Variants in RBM14 observed in about 807,000 individuals in gnomAD.
RBM14 encodes the protein RNA binding motif protein 14.
A neutral mutation model predicts 52.8 loss-of-function variants in RBM14; 5 were observed. The ratio of observed to expected loss-of-function variants is 0.09; its 90% CI spans 0.05 to 0.20. The LOEUF is 0.20. Ranked by LOEUF, RBM14 falls within the 10% of genes least tolerant of loss-of-function variation. The pLI, the probability that RBM14 is intolerant of heterozygous loss-of-function variation, is 1.00. For missense variants in RBM14, 780 were observed against 926.6 expected, an observed-to-expected ratio of 0.84 and a Z score of 2.05; for synonymous variants, 411 against 401.8, an observed-to-expected ratio of 1.02 and a Z score of -0.28.
intron 1 of RBM14, among the ~76,000 whole-genome samples, chr11:66,622,245 T>C (rs1439049845): frequency 2.6e-5 from 4 of 151,178 alleles, no homozygotes; most frequent in Non-Finnish European, 5.9e-5. Context: ...TTTTTTTTTT[T>C]TTTTGAAATG....
At chr11:66,618,703 G>C (rs1858959709) in intron 1 of RBM14, 4 of 623,244 alleles carry the variant, frequency 6.4e-6, no homozygotes, top group Non-Finnish European at 1.2e-5. Flanking sequence ...AGTTTCTTTT[G>C]TGGTTGTTAG....
At chr11:66,621,826 T>C (rs917356138) in intron 1 of RBM14, among the ~76,000 whole-genome samples, 4 of 152,256 alleles carry the variant, frequency 2.6e-5, no homozygotes, top group African/African-American at 9.6e-5. Context: ...TAGCTGTTCA[T>C]ATCTTACAAG....
At position 66,624,151 on chromosome 11, in the gene RBM14, G is replaced by T; in HGVS notation, c.338-63G>T. On this transcript the variant is annotated intron_variant, in intron 1 of 2. Transcript: ENST00000310137. The surrounding 1 kb of genome is among the most constrained non-coding windows in gnomAD (Gnocchi z 4.7). Reference sequence around the variant, plus strand: ...TGGGTGCTGTTGTGTGTCCAATTTGGGACCCATCAGGTAGCATGCCCTGCC... The same window carrying T: ...TGGGTGCTGTTGTGTGTCCAATTTGTGACCCATCAGGTAGCATGCCCTGCC... 6.5e-7 allele frequency: 1 copy of T among 1,540,066 alleles called. No homozygotes were observed. The highest frequency in any genetic ancestry group is 1.3e-5 in the South Asian group (1 of 79,024).
chr11:66,629,485 G>A lies in RBM14; in HGVS notation c.*2817G>A, dbSNP rs904593612. On this transcript the variant is annotated 3_prime_UTR_variant, in exon 3 of 3. Transcript: ENST00000310137. The stretch of plus-strand genomic sequence containing the variant: ...GTTCAGCCTATCCAGGTAGGCTACC[G>A]TTCTAGTCATACCCATCACTTAAAT... Among the ~76,000 whole-genome samples, 2 of 152,316 alleles carry A rather than the reference G, an allele frequency of 1.3e-5. No homozygotes were observed. The highest frequency in any genetic ancestry group is 1.9e-4 in the East Asian group (1 of 5,194).
At chr11:66,617,680 A>G in intron 1 of RBM14, 1 of 527,306 alleles carries the variant, frequency 1.9e-6, no homozygotes, top group Non-Finnish European at 2.4e-6. Context: ...TTTCAATATT[A>G]GGTAGGTTAG....
chr11:66,626,657 C>G lies in RBM14; in HGVS notation c.1999C>G (p.Arg667Gly). 1 of 1,607,016 alleles carries G rather than the reference C, an allele frequency of 6.2e-7. No individual in the cohort carries two copies. The highest frequency in any genetic ancestry group is 8.5e-7 in the Non-Finnish European group (1 of 1,177,390). The change falls in exon 3 of 3, where the codon CGC (arginine) becomes GGC (glycine). Residue 667 changes from arginine (R) to glycine (G), a missense_variant. By Grantham distance (125) the Arg-to-Gly change is moderately radical. Transcript: ENST00000310137. The stretch of plus-strand genomic sequence containing the variant: ...GGCTCAGATGCACTCTGGCTACCAG[C>G]GCCGCATGTAGGGCCATCCTGGGAT... ...RAAQMHSGYQ[R>G]RM
Position 66,616,794 on chromosome 11 carries a change from A to T in RBM14, c.74A>T (p.Tyr25Phe), listed in dbSNP as rs771161027. Reference protein sequence around the residue: ...PEELAALFAPYGTVMSCAVMK... With the variant: ...PEELAALFAPFGTVMSCAVMK... ...GAGCTGGCAGCCCTCTTTGCGCCCT[A>T]CGGCACGGTCATGAGCTGCGCCGTC... Residue 25 changes from tyrosine to phenylalanine, a missense_variant, in exon 1 of 3, where the codon TAC (tyrosine) becomes TTC (phenylalanine). Physicochemically the swap from Tyr to Phe is conservative, Grantham distance 22 (BLOSUM62 3). Coordinates refer to ENST00000310137, the MANE Select transcript of RBM14 (RefSeq NM_006328.4). 1.2e-6 allele frequency: 2 copies of T among 1,609,908 alleles called. 1 individual carries two copies. The highest frequency in any genetic ancestry group is 2.2e-5 in the South Asian group (2 of 91,050).
At position 66,624,062 on chromosome 11, in the gene RBM14, C is replaced by A; in HGVS notation, c.338-152C>A. The stretch of plus-strand genomic sequence containing the variant: ...AGTCAGAAGCTTTGTTATATGGGAG[C>A]TACATTTTATGACATACTCCTGGAG... On this transcript the variant is annotated intron_variant, in intron 1 of 2. Coordinates refer to ENST00000310137, the MANE Select transcript of RBM14 (RefSeq NM_006328.4). The surrounding 1 kb of genome is among the most constrained non-coding windows in gnomAD (Gnocchi z 4.7). The A allele has an allele frequency of 7.7e-7, 1 of 1,300,816 alleles. No individual in the cohort carries two copies. Among genetic ancestry groups the A allele is most frequent in the Non-Finnish European group, 1.1e-6 (1 of 918,084 alleles). 80.6% of individuals were successfully genotyped at this position (1,300,816 alleles called of 1,614,324 possible).
Position 66,625,630 on chromosome 11 carries a change from G to T in RBM14, c.1754G>T (p.Arg585Leu). 6.2e-7 allele frequency: 1 copy of T among 1,612,934 alleles called. No individual in the cohort carries two copies. Reference sequence around the variant, plus strand: ...GAGCGTACCCGCCTCTCCCCACCCCGGGCCAGCTACGACGATCCCTACAAA... The same window carrying T: ...GAGCGTACCCGCCTCTCCCCACCCCTGGCCAGCTACGACGATCCCTACAAA... ...PYERTRLSPPRASYDDPYKKA... is the reference protein window; with the variant it reads ...PYERTRLSPPLASYDDPYKKA... The change falls in exon 2 of 3, where the codon CGG becomes CTG. Residue 585 changes from arginine to leucine, a missense_variant. Arg to Leu is a moderately radical substitution (Grantham distance 102). Around this residue, in one of 4 missense-constraint regions of RBM14, gnomAD observed 675 missense variants for 697.3 expected, o/e 0.97. Coordinates refer to ENST00000310137, the MANE Select transcript of RBM14 (RefSeq NM_006328.4). The surrounding 1 kb of genome is among the most constrained non-coding windows in gnomAD (Gnocchi z 4.2).
intron 1 of RBM14, among the ~76,000 whole-genome samples, chr11:66,620,549 G>C (rs1859058985): frequency 6.6e-6 from 1 of 152,110 alleles, no homozygotes; most frequent in African/African-American, 2.4e-5. Context: ...TGATCTTCCT[G>C]CCTCGGCCTC....
chr11:66,622,979 G>T (rs948933570), intron 1 of RBM14, among the ~76,000 whole-genome samples: 12 of 152,148 alleles, frequency 7.9e-5, no homozygotes, highest in Admixed American at 5.9e-4. Flanking sequence ...TGTGAGTGTG[G>T]ACATGAGAAT....
At chr11:66,626,360 G>A (rs1414038065) in intron 2 of RBM14, 101 bp from the exon 3 acceptor site, 1 of 1,190,666 alleles carries the variant, frequency 8.4e-7, no homozygotes, top group Non-Finnish European at 1.2e-6. Flanking sequence ...GGAGACCACT[G>A]TGATCACACC....
rs1196600980 is a variant in RBM14 at position 66,629,096 on chromosome 11, CTTTTA to C, written c.*2434_*2438del. ...GATTGTTTTAAAATCTCCCTCCCCT[CTTTTA>C]TTTTAATTATGCCACCTGTGTTAAT... On this transcript the variant is annotated 3_prime_UTR_variant, in exon 3 of 3. Coordinates refer to ENST00000310137, the MANE Select transcript of RBM14 (RefSeq NM_006328.4). Among the ~76,000 whole-genome samples, 1 of 152,220 alleles carries C rather than the reference CTTTTA, an allele frequency of 6.6e-6. No homozygotes were observed. The highest frequency in any genetic ancestry group is 1.5e-5 in the Non-Finnish European group (1 of 68,034).
rs116318286 is a variant in RBM14, at chr11:66,617,793, G to A, written c.337+736G>A. Among the ~76,000 whole-genome samples, 1,132 of 152,356 alleles carry A rather than the reference G, an allele frequency of 7.4e-3. 18 individuals carry two copies. Among genetic ancestry groups the A allele is most frequent in the African/African-American group, 0.025 (1,045 of 41,586 alleles). On this transcript the variant is annotated intron_variant, in intron 1 of 2. Transcript: ENST00000310137. The stretch of plus-strand genomic sequence containing the variant: ...AAACCCCAGCCTTTTGCATGTGCAA[G>A]AAAGCTTGTTTTATGAAGTCCCCTT...
At position 66,625,821 on chromosome 11, in the gene RBM14, A is replaced by G; in HGVS notation, c.1802+143A>G. On this transcript the variant is annotated intron_variant, in intron 2 of 2. Transcript: ENST00000310137. This position sits in a 1 kb window ranked among gnomAD's most constrained non-coding sequence, Gnocchi z 4.2. ...TGTGGGATGTCCAGAGGCCGAGGGG[A>G]GCAGTGTCTATGAACTTTCCTGGTC... The G allele has an allele frequency of 7.3e-6, 5 of 680,772 alleles. No individual in the cohort carries two copies. Among genetic ancestry groups the G allele is most frequent in the South Asian group, 4.0e-5 (2 of 50,276 alleles). The allele number at this position is 680,772 out of a possible 1,614,324, so 42.2% of individuals were successfully genotyped here.
chr11:66,617,081 G>C (rs1419666336), intron 1 of RBM14, 24 bp downstream of exon 1: 1 of 1,553,386 alleles, frequency 6.4e-7, no homozygotes, highest in Non-Finnish European at 8.7e-7. Context: ...GCGCTCGGGG[G>C]CGGGGGCGCG....
chr11:66,626,735 G>C lies in RBM14; in HGVS notation c.*67G>C. ...AGAGGTGGGTAGGGTTACAGATCCA[G>C]GTTATAACTACTCTGGCCCATACCT... On this transcript the variant is annotated 3_prime_UTR_variant, in exon 3 of 3. Transcript: ENST00000310137. The C allele has an allele frequency of 3.5e-6, 5 of 1,416,552 alleles. No individual in the cohort carries two copies. The highest frequency in any genetic ancestry group is 1.3e-5 in the South Asian group (1 of 76,114). The allele number at this position is 1,416,552 out of a possible 1,614,324, so 87.7% of individuals were successfully genotyped here.
rs781391640 is a variant in RBM14 at position 66,626,504 on chromosome 11, C to T, written c.1846C>T (p.Arg616Cys). 8 of 1,613,788 alleles carry T rather than the reference C, an allele frequency of 5.0e-6. No individual in the cohort carries two copies. The highest frequency in any genetic ancestry group is 2.2e-5 in the South Asian group (2 of 91,094). ...TTTAGCCGAGCTCTCTGATTACCGC[C>T]GTTTATCAGAGTCGCAGCTTTCGTT... Reference protein sequence around the residue: ...RRLAELSDYRRLSESQLSFRR... With the variant: ...RRLAELSDYRCLSESQLSFRR... The change falls in exon 3 of 3, where the codon CGT becomes TGT. Residue 616 changes from arginine (R) to cysteine (C), a missense_variant. Physicochemically the swap from Arg to Cys is radical, Grantham distance 180 (BLOSUM62 -3). Transcript: ENST00000310137.
In RBM14 at chr11:66,616,768, G is replaced by A. The variant is rs1433879127; in HGVS notation, c.48G>A (p.Glu16=). The change falls in exon 1 of 3, where the codon GAG becomes GAA. Residue 16 remains glutamate (E), a synonymous_variant. Coordinates refer to ENST00000310137, the MANE Select transcript of RBM14 (RefSeq NM_006328.4). ...GNVDGADTTP[E]ELAALFAPYG... is the part of the protein sequence containing the mutation. ...TCGACGGGGCGGATACGACTCCGGA[G>A]GAGCTGGCAGCCCTCTTTGCGCCCT... The A allele has an allele frequency of 1.2e-6, 2 of 1,604,752 alleles. No individual in the cohort carries two copies. The highest frequency in any genetic ancestry group is 3.4e-5 in the Admixed American group (2 of 59,560).
Sources: allele counts gnomAD v4.1 joint callset (sites outside exome capture counted in the v4.1 genomes callset), GRCh38; gene constraint gnomAD v4.1.1; regional missense constraint gnomAD v4.1.1; non-coding constraint Gnocchi (gnomAD v3.1); transcripts MANE v1.5; gene names NCBI Gene and HGNC (gene_info 2026-07-23, HGNC 2026-07-21).